The following GPHN variants were observed in gnomAD, a reference collection of about 807,000 sequenced individuals.
The protein encoded by GPHN is gephyrin.
GPHN carries 17 observed loss-of-function variants against 95.5 expected under a neutral mutation model. The ratio of observed to expected loss-of-function variants is 0.18; its 90% CI spans 0.12 to 0.27. The LOEUF (loss-of-function observed/expected upper bound fraction) is 0.27, where lower values mean the gene tolerates loss of function less well. Among genes scored for constraint, GPHN ranks in the 10% least tolerant of loss-of-function variants. The probability of loss-of-function intolerance (pLI) is 1.00; values close to 1 mark genes in which losing one functional copy is unlikely to be tolerated. For synonymous variants in GPHN, 320 were observed against 322.5 expected, an observed-to-expected ratio of 0.99 and a Z score of 0.08; for missense variants, 660 against 978.1, an observed-to-expected ratio of 0.67 and a Z score of 4.34.
chr14:67,371,142 C>T, the GPHN span, among the ~76,000 whole-genome samples: 24 of 152,042 alleles, frequency 1.6e-4, no homozygotes, highest in Non-Finnish European at 2.8e-4. Flanking sequence ...AGGCCAGGCA[C>T]GGTGGCTCAC....
At chr14:67,568,711 C>A in the GPHN span, among the ~76,000 whole-genome samples, 4 of 152,130 alleles carry the variant, frequency 2.6e-5, no homozygotes, top group African/African-American at 9.7e-5. Context: ...GCCGCAGTGG[C>A]TTCCTCATTA....
chr14:66,861,056 A>G (rs915395384), intron 4 of GPHN, among the ~76,000 whole-genome samples: 11 of 152,106 alleles, frequency 7.2e-5, no homozygotes, highest in African/African-American at 2.7e-4. Context: ...ATTGAATTAT[A>G]AATGGACCAA....
At chr14:66,657,750 A>C (rs2065391189) in intron 1 of GPHN, among the ~76,000 whole-genome samples, 1 of 152,154 alleles carries the variant, frequency 6.6e-6, no homozygotes, top group South Asian at 2.1e-4. Flanking sequence ...TACTGCTCAG[A>C]AAAATAGATT....
At chr14:66,642,441 C>G (rs981283793) in intron 1 of GPHN, among the ~76,000 whole-genome samples, 2 of 151,920 alleles carry the variant, frequency 1.3e-5, no homozygotes, top group South Asian at 4.1e-4. Context: ...CTTAAGTCAG[C>G]AAGGAAATAG....
the GPHN span, among the ~76,000 whole-genome samples, chr14:67,704,989 T>C: frequency 2.0e-5 from 3 of 152,210 alleles, no homozygotes; most frequent in African/African-American, 7.2e-5. Context: ...GTCTAGGTAG[T>C]CCAGGGAGGT....
At chr14:67,194,695 G>A in the GPHN span, among the ~76,000 whole-genome samples, 26 of 152,066 alleles carry the variant, frequency 1.7e-4, no homozygotes, top group Non-Finnish European at 2.9e-4. Context: ...TAGAGATGGG[G>A]TTTCACCTTG....
chr14:66,852,604 A>G (rs1249928890), intron 4 of GPHN, among the ~76,000 whole-genome samples: 2 of 152,220 alleles, frequency 1.3e-5, no homozygotes, highest in Non-Finnish European at 2.9e-5. Flanking sequence ...TAAGGAGAAT[A>G]AAGGCACTCA....
chr14:67,574,278 G>A, the GPHN span: 42 of 1,608,172 alleles, frequency 2.6e-5, no homozygotes, highest in African/African-American at 3.1e-4. The surrounding 1 kb of genome is among the most constrained non-coding windows in gnomAD (Gnocchi z 4.2). Flanking sequence ...CCTGACGGCC[G>A]ATTCACCCAG....
intron 15 of GPHN, among the ~76,000 whole-genome samples, chr14:67,112,565 A>G (rs1194545017): frequency 6.6e-6 from 1 of 152,162 alleles, no homozygotes; most frequent in Non-Finnish European, 1.5e-5. Context: ...AATTACCTCT[A>G]TGACTGTAGC....
the GPHN span, among the ~76,000 whole-genome samples, chr14:67,357,700 T>C: frequency 6.6e-6 from 1 of 152,198 alleles, no homozygotes; most frequent in Non-Finnish European, 1.5e-5. Context: ...CTGAGCTCAA[T>C]TCTCATTTGT....
the GPHN span, among the ~76,000 whole-genome samples, chr14:67,682,357 A>G: frequency 4.6e-5 from 7 of 152,174 alleles, no homozygotes; most frequent in African/African-American, 1.4e-4. Context: ...TGCAAATTAT[A>G]TATCTGACAA....
intron 9 of GPHN, chr14:66,996,078 C>T: frequency 1.3e-6 from 1 of 754,610 alleles, no homozygotes; most frequent in Non-Finnish European, 2.3e-6. Context: ...ATTATCTGGC[C>T]AAGTGTGTTG....
At chr14:67,096,826 A>G (rs1229750833) in intron 12 of GPHN, among the ~76,000 whole-genome samples, 1 of 150,818 alleles carries the variant, frequency 6.6e-6, no homozygotes. Flanking sequence ...GGGTTTTGCC[A>G]TGTTGCCCAG....
chr14:67,546,737 C>T, the GPHN span, among the ~76,000 whole-genome samples: 8 of 152,136 alleles, frequency 5.3e-5, no homozygotes, highest in Non-Finnish European at 1.0e-4. Flanking sequence ...CATGGTGATG[C>T]GTGCCTGTAG....
At chr14:66,528,063 G>GATCTGTCTAATATTTTGTTATCTAT (rs2058761930) in intron 1 of GPHN, among the ~76,000 whole-genome samples, 1 of 152,114 alleles carries the variant, frequency 6.6e-6, no homozygotes, top group Non-Finnish European at 1.5e-5. Context: ...ATTGACAGTG[G>GATCTGTCTAATATTTTGTTATCTAT]GGTGTTAAAG....
chr14:66,986,372 A>G (rs2071030498), intron 9 of GPHN, among the ~76,000 whole-genome samples: 1 of 152,132 alleles, frequency 6.6e-6, no homozygotes. Flanking sequence ...AGAACCAGAT[A>G]CATACCTAAA....
At chr14:67,544,676 T>C in the GPHN span, among the ~76,000 whole-genome samples, 1 of 152,276 alleles carries the variant, frequency 6.6e-6, no homozygotes, top group Non-Finnish European at 1.5e-5. Context: ...AAAGATCAGG[T>C]AGACTTGAAA....
At chr14:67,611,674 A>C in the GPHN span, among the ~76,000 whole-genome samples, 5 of 152,298 alleles carry the variant, frequency 3.3e-5, no homozygotes, top group African/African-American at 1.2e-4. Flanking sequence ...AGCAGGTTTT[A>C]TCTCTGGCCA....
chr14:67,345,501 G>T, the GPHN span, among the ~76,000 whole-genome samples: 1 of 152,062 alleles, frequency 6.6e-6, no homozygotes, highest in Non-Finnish European at 1.5e-5. Context: ...GTTGCAGTGA[G>T]CCGAGGTCGC....
Sources: allele counts gnomAD v4.1 joint callset (sites outside exome capture counted in the v4.1 genomes callset), GRCh38; gene constraint gnomAD v4.1.1; non-coding constraint Gnocchi (gnomAD v3.1); transcripts MANE v1.5; gene names NCBI Gene and HGNC (gene_info 2026-07-23, HGNC 2026-07-21).